The following METTL25 variants were observed in gnomAD, a reference collection of about 807,000 sequenced individuals.
METTL25 encodes the protein methyltransferase like 25, also known as probable methyltransferase-like protein 25.
METTL25 carries 64 observed loss-of-function variants against 71.6 expected under a neutral mutation model. That is an observed-to-expected ratio of 0.89 (90% CI 0.73 to 1.10). The LOEUF is 1.10. Among genes scored for constraint, METTL25 ranks in the 50% least tolerant of loss-of-function variants. METTL25 has a pLI of 0.00. For synonymous variants in METTL25, 287 were observed against 250.3 expected (o/e 1.15, Z -1.38); for missense variants, 807 against 707.0 (o/e 1.14, Z -1.60).
At chr12:82,405,455 T>C (rs1005706134) in intron 5 of METTL25, among the ~76,000 whole-genome samples, 2 of 152,174 alleles carry the variant, frequency 1.3e-5, no homozygotes, top group Admixed American at 6.6e-5. Flanking sequence ...GAAGGTGTCA[T>C]TACTGCCTTT....
At chr12:82,455,476 G>A (rs369771231) in intron 8 of METTL25, among the ~76,000 whole-genome samples, 12 of 151,942 alleles carry the variant, frequency 7.9e-5, no homozygotes, top group Non-Finnish European at 1.2e-4. Context: ...TGGAAGAATC[G>A]TAGGGGCTAT....
chr12:82,359,140 A>G (rs1371942307), intron 1 of METTL25, among the ~76,000 whole-genome samples: 1 of 152,222 alleles, frequency 6.6e-6, no homozygotes, highest in Non-Finnish European at 1.5e-5. Flanking sequence ...GTGCTCTCAC[A>G]GGTTTTATAA....
At chr12:82,443,025 G>C (rs75073157) in intron 8 of METTL25, among the ~76,000 whole-genome samples, 4 of 151,390 alleles carry the variant, frequency 2.6e-5, no homozygotes, top group Non-Finnish European at 5.9e-5. Context: ...AAAAAAGCTA[G>C]AGAATAGAAA....
intron 7 of METTL25, among the ~76,000 whole-genome samples, chr12:82,437,898 G>A (rs1411565172): frequency 1.3e-5 from 2 of 151,582 alleles, no homozygotes; most frequent in Non-Finnish European, 3.0e-5. Context: ...ATTTTGTGTT[G>A]GATGTTCCTA....
At chr12:82,405,975 G>T (rs963872256) in intron 5 of METTL25, among the ~76,000 whole-genome samples, 4 of 152,154 alleles carry the variant, frequency 2.6e-5, no homozygotes, top group African/African-American at 9.7e-5. Flanking sequence ...TTATTGCACT[G>T]AACAAACATT....
intron 1 of METTL25, among the ~76,000 whole-genome samples, chr12:82,374,947 G>A (rs370325340): frequency 6.6e-6 from 1 of 152,264 alleles, no homozygotes; most frequent in African/African-American, 2.4e-5. Flanking sequence ...GAAAGGAAGT[G>A]ATAGTTTTGA....
At chr12:82,445,420 A>G (rs1233919829) in intron 8 of METTL25, among the ~76,000 whole-genome samples, 2 of 151,912 alleles carry the variant, frequency 1.3e-5, no homozygotes, top group African/African-American at 4.9e-5. Flanking sequence ...TAGCTATAGT[A>G]TATAGTGTAA....
intron 8 of METTL25, among the ~76,000 whole-genome samples, chr12:82,446,547 A>G (rs1303210047): frequency 6.6e-6 from 1 of 152,174 alleles, no homozygotes; most frequent in Non-Finnish European, 1.5e-5. Context: ...CATGGAAATT[A>G]AACAACATGA....
At chr12:82,464,834 A>G (rs531390500) in intron 9 of METTL25, among the ~76,000 whole-genome samples, 1 of 151,614 alleles carries the variant, frequency 6.6e-6, no homozygotes, top group African/African-American at 2.4e-5. Flanking sequence ...CTCCTTCGTT[A>G]AATTTATTCG....
chr12:82,461,690 AT>A (rs1228593646), intron 9 of METTL25, among the ~76,000 whole-genome samples: 1 of 113,926 alleles, frequency 8.8e-6, no homozygotes, highest in African/African-American at 3.2e-5. Context: ...AGATTAAGGA[AT>A]TAAACTTTGA....
At chr12:82,431,012 T>TAAC (rs1214976555) in intron 6 of METTL25, 25 bp downstream of exon 6, 1 of 1,422,974 alleles carries the variant, frequency 7.0e-7, no homozygotes, top group East Asian at 2.3e-5. Context: ...TTTCCTGGAG[T>TAAC]AACAGCTTTA....
intron 5 of METTL25, among the ~76,000 whole-genome samples, chr12:82,418,234 G>T (rs1054255013): frequency 2.0e-5 from 3 of 152,098 alleles, no homozygotes; most frequent in African/African-American, 7.2e-5. Context: ...TATTGATCTG[G>T]ATATAACTGC....
At chr12:82,382,372 TA>T (rs1270082385) in intron 1 of METTL25, among the ~76,000 whole-genome samples, 4 of 152,212 alleles carry the variant, frequency 2.6e-5, no homozygotes, top group African/African-American at 9.6e-5. Flanking sequence ...CGTTTTACTT[TA>T]TGTCACATTC....
intron 5 of METTL25, among the ~76,000 whole-genome samples, chr12:82,421,058 C>T (rs908311216): frequency 5.9e-5 from 9 of 152,092 alleles, no homozygotes; most frequent in African/African-American, 9.7e-5. Context: ...GACGGGGTTT[C>T]GCCATGTTGG....
rs1450667674 is a variant in METTL25, at chr12:82,358,792, C to G, written c.227C>G (p.Thr76Arg). 5 of 1,613,284 alleles carry G rather than the reference C, an allele frequency of 3.1e-6. No homozygotes were observed. Among genetic ancestry groups the G allele is most frequent in the Middle Eastern group, 3.3e-4 (2 of 6,062 alleles). Reference sequence around the variant, plus strand: ...GAGACGGAGGCCCTGCCCTCAGAGACGCGCCCCCTAGTGGAAGCAGAGTGG... The same window carrying G: ...GAGACGGAGGCCCTGCCCTCAGAGAGGCGCCCCCTAGTGGAAGCAGAGTGG... ...ASETEALPSE[T>R]RPLVEAEWEA... Residue 76 changes from threonine to arginine, a missense_variant, in exon 1 of 12, where the codon ACG (threonine) becomes AGG (arginine). Coordinates refer to ENST00000248306, the MANE Select transcript of METTL25 (RefSeq NM_032230.3).
In METTL25 at chr12:82,381,415, T is replaced by A. The variant is rs375496287; in HGVS notation, c.260-5388T>A. Among the ~76,000 whole-genome samples the A allele has an allele frequency of 3.3e-4, 50 of 152,320 alleles. No homozygotes were observed. In the East Asian group the frequency reaches 5.4e-3, roughly 16 times the overall value. On this transcript the variant is annotated intron_variant, in intron 1 of 11. Transcript: ENST00000248306. ...AATATTGGTACAAGAAGGACATGCA[T>A]GTCAATATCTTGTTAATTTTATTCC...
At chr12:82,421,233 G>T (rs1229958038) in intron 5 of METTL25, among the ~76,000 whole-genome samples, 1 of 152,108 alleles carries the variant, frequency 6.6e-6, no homozygotes, top group Non-Finnish European at 1.5e-5. Flanking sequence ...GAGCAAGAGT[G>T]GATGTTGGCA....
chr12:82,445,800 G>A (rs1446648309), intron 8 of METTL25, among the ~76,000 whole-genome samples: 1 of 152,182 alleles, frequency 6.6e-6, no homozygotes, highest in Non-Finnish European at 1.5e-5. Context: ...AAGGACTACT[G>A]TAAAAAGAGA....
At chr12:82,424,917 A>G (rs1452225275) in intron 5 of METTL25, among the ~76,000 whole-genome samples, 1 of 152,102 alleles carries the variant, frequency 6.6e-6, no homozygotes, top group African/African-American at 2.4e-5. Flanking sequence ...TAGAGCCTTC[A>G]GAGGGTCTGT....
Sources: gnomAD v4.1 joint callset for allele counts (sites outside exome capture counted in the v4.1 genomes callset) on GRCh38, gnomAD v4.1.1 for gene constraint, MANE v1.5 for transcripts, NCBI Gene and HGNC (gene_info 2026-07-23, HGNC 2026-07-21) for gene names.